Variants in ERC2 observed in about 807,000 individuals in gnomAD.
ERC2 encodes ERC protein 2.
In ERC2, 42 loss-of-function variants were observed where a neutral mutation model predicts 114.8. That is an observed-to-expected ratio of 0.37 (90% CI 0.29 to 0.47). The LOEUF is 0.47. Among genes scored for constraint, ERC2 ranks in the 20% least tolerant of loss-of-function variants. The pLI is 0.99. For missense variants in ERC2, 939 were observed against 1,150.7 expected (o/e 0.82, Z 2.66); for synonymous variants, 454 against 425.5 (o/e 1.07, Z -0.82).
chr3:56,404,699 T>G (rs1160910239), intron 2 of ERC2, among the ~76,000 whole-genome samples: 1 of 150,504 alleles, frequency 6.6e-6, no homozygotes, highest in Non-Finnish European at 1.5e-5. Context: ...ACACCTACTA[T>G]GTACCCATAA....
At chr3:55,891,035 C>T (rs1404238401) in intron 13 of ERC2, among the ~76,000 whole-genome samples, 1 of 152,166 alleles carries the variant, frequency 6.6e-6, no homozygotes, top group African/African-American at 2.4e-5. Flanking sequence ...AAACAAGGGC[C>T]TTAGAAAGCA....
intron 17 of ERC2, among the ~76,000 whole-genome samples, chr3:55,524,456 T>C (rs2053174078): frequency 6.6e-6 from 1 of 150,792 alleles, no homozygotes; most frequent in South Asian, 2.1e-4. Flanking sequence ...TCTCTTGGGC[T>C]CTTCCTGTTG....
At chr3:55,562,992 T>C (rs1157324877) in intron 17 of ERC2, among the ~76,000 whole-genome samples, 3 of 152,174 alleles carry the variant, frequency 2.0e-5, no homozygotes, top group Non-Finnish European at 4.4e-5. Flanking sequence ...TTGGCATATA[T>C]TGTAATTCAT....
intron 5 of ERC2, among the ~76,000 whole-genome samples, chr3:56,145,156 C>G (rs1255017409): frequency 6.6e-6 from 1 of 152,098 alleles, no homozygotes; most frequent in Non-Finnish European, 1.5e-5. Flanking sequence ...GCAGATATGG[C>G]CCTTATGTCT....
intron 6 of ERC2, among the ~76,000 whole-genome samples, chr3:56,089,352 T>C (rs1174843569): frequency 2.0e-5 from 3 of 152,208 alleles, no homozygotes; most frequent in Non-Finnish European, 4.4e-5. Context: ...TGCACAGGCA[T>C]GTCCAGTCTT....
chr3:55,580,453 T>C (rs971949770), intron 17 of ERC2, among the ~76,000 whole-genome samples: 1 of 152,198 alleles, frequency 6.6e-6, no homozygotes, highest in African/African-American at 2.4e-5. Context: ...GCATTTCCTT[T>C]GGAAATCACT....
At position 56,205,955 on chromosome 3, in the gene ERC2, C is replaced by CA. The variant is rs2048699444; in HGVS notation, c.1075-32436dup. On this transcript the variant is annotated intron_variant, in intron 3 of 17. Transcript: ENST00000288221. ...CTTCTGGCCATAAGACTCAACACTACAAAAATCATATATGGGGTTTCTGAT... is the reference window on the plus strand; with the variant it reads ...CTTCTGGCCATAAGACTCAACACTACAAAAAATCATATATGGGGTTTCTGAT... Among the ~76,000 whole-genome samples, 5 of 152,218 alleles carry CA rather than the reference C, an allele frequency of 3.3e-5. No individual in the cohort carries two copies. The South Asian group carries it at 1.0e-3, about 32-fold the overall frequency.
intron 6 of ERC2, among the ~76,000 whole-genome samples, chr3:56,121,685 CTTAAA>C (rs568907288): frequency 9.1e-4 from 139 of 152,236 alleles, no homozygotes; most frequent in African/African-American, 3.2e-3. Context: ...AATTAAAACT[CTTAAA>C]TTTAATTCAG....
At chr3:56,322,574 T>C (rs926180738) in intron 2 of ERC2, among the ~76,000 whole-genome samples, 8 of 152,206 alleles carry the variant, frequency 5.3e-5, no homozygotes, top group Non-Finnish European at 1.2e-4. Context: ...CTGAAATGAC[T>C]AAAAAACTGG....
intron 7 of ERC2, among the ~76,000 whole-genome samples, chr3:56,027,345 A>T (rs1364136970): frequency 6.6e-6 from 1 of 152,176 alleles, no homozygotes; most frequent in Non-Finnish European, 1.5e-5. Context: ...CCAGAGTGCA[A>T]CTGCTGGGTT....
intron 14 of ERC2, among the ~76,000 whole-genome samples, chr3:55,860,264 G>A (rs987927033): frequency 1.1e-4 from 16 of 152,074 alleles, no homozygotes; most frequent in African/African-American, 2.2e-4. Flanking sequence ...TAGTAAACAC[G>A]GCAAAGCAGT....
chr3:56,290,181 C>T (rs957726000), intron 3 of ERC2, among the ~76,000 whole-genome samples: 18 of 152,204 alleles, frequency 1.2e-4, no homozygotes, highest in Admixed American at 2.6e-4. Flanking sequence ...TTCTCTACTC[C>T]AAACATAGAG....
At chr3:55,742,976 GCATGAGT>G (rs974014763) in intron 14 of ERC2, among the ~76,000 whole-genome samples, 1 of 152,230 alleles carries the variant, frequency 6.6e-6, no homozygotes, top group African/African-American at 2.4e-5. Context: ...ATTTGAACAA[GCATGAGT>G]TTCAGTAAGG....
intron 6 of ERC2, among the ~76,000 whole-genome samples, chr3:56,109,724 A>G (rs569865621): frequency 6.6e-6 from 1 of 152,330 alleles, no homozygotes; most frequent in African/African-American, 2.4e-5. Context: ...TGCAGTGTTG[A>G]AATTGCTTTG....
At chr3:55,965,828 G>A (rs2068713932) in intron 12 of ERC2, among the ~76,000 whole-genome samples, 1 of 152,150 alleles carries the variant, frequency 6.6e-6, no homozygotes, top group Non-Finnish European at 1.5e-5. Flanking sequence ...TGATGTGAAT[G>A]AGTAAAACAG....
chr3:55,582,769 A>G (rs913117041), intron 17 of ERC2, among the ~76,000 whole-genome samples: 3 of 152,214 alleles, frequency 2.0e-5, no homozygotes, highest in Admixed American at 6.5e-5. Flanking sequence ...CTGAGTTCAA[A>G]TCCTGACATT....
intron 7 of ERC2, among the ~76,000 whole-genome samples, chr3:56,030,954 TC>T (rs1041152710): frequency 6.6e-6 from 1 of 152,148 alleles, no homozygotes; most frequent in Admixed American, 6.5e-5. Context: ...TTGCCAAAGA[TC>T]CTAGCATCAG....
chr3:55,840,052 C>T (rs993528514), intron 14 of ERC2, among the ~76,000 whole-genome samples: 1 of 151,854 alleles, frequency 6.6e-6, no homozygotes, highest in South Asian at 2.1e-4. Context: ...CTATTAGTAT[C>T]AAAGTTGATT....
chr3:55,854,607 GC>G (rs2061711960), intron 14 of ERC2, among the ~76,000 whole-genome samples: 1 of 152,248 alleles, frequency 6.6e-6, no homozygotes, highest in Admixed American at 6.5e-5. Context: ...AATGCATCCA[GC>G]CCAGATCCCC....
Sources: allele counts gnomAD v4.1 joint callset (sites outside exome capture counted in the v4.1 genomes callset), GRCh38; gene constraint gnomAD v4.1.1; transcripts MANE v1.5; gene names NCBI Gene and HGNC (gene_info 2026-07-23, HGNC 2026-07-21).